The following NFILZ variants were observed in gnomAD, a reference collection of about 807,000 sequenced individuals.
NFILZ encodes the protein NFIL3 like protein.
rs35392454 is a variant in NFILZ, at chr19:8,670,992, CA to C, written c.-163-3540del. Among the ~76,000 whole-genome samples the C allele has an allele frequency of 4.2e-3, 498 of 117,618 alleles. 1 individual carries two copies. The highest frequency in any genetic ancestry group is 8.9e-3 in the Middle Eastern group (2 of 224). The allele number at this position is 117,618 out of a possible 152,430, so 77.2% of individuals were successfully genotyped here. On this transcript the variant is annotated intron_variant, in intron 3 of 5. Transcript: ENST00000691075. The stretch of plus-strand genomic sequence containing the variant: ...CCTGGGTGACAGAGTGAGACTGTCT[CA>C]AAAAAAAAAAAAAAAAAAGATTTCC...
At chr19:8,671,528 C>T (rs782531343) in intron 3 of NFILZ, among the ~76,000 whole-genome samples, 5 of 152,088 alleles carry the variant, frequency 3.3e-5, no homozygotes, top group African/African-American at 1.2e-4. Flanking sequence ...TCACTCTGGC[C>T]TGTCCTTTCT....
In NFILZ at chr19:8,672,272, C is replaced by CA. The variant is rs560522791; in HGVS notation, c.-163-2271dup. Among the ~76,000 whole-genome samples the CA allele has an allele frequency of 2.4e-3, 364 of 150,864 alleles. 3 individuals are homozygous for CA. The highest frequency in any genetic ancestry group is 8.1e-4 in the Non-Finnish European group (55 of 67,820). On this transcript the variant is annotated intron_variant, in intron 3 of 5. Coordinates refer to ENST00000691075, the MANE Select transcript of NFILZ (RefSeq NM_001378600.1). ...TAATCCAGGCATTTATTAGTTTATT[C>CA]AAAAAAAATCCATGCACTTATTAGT... is the stretch of plus-strand genomic sequence containing the variant.
At chr19:8,642,161 C>T (rs1468992444) in intron 3 of NFILZ, among the ~76,000 whole-genome samples, 4 of 149,382 alleles carry the variant, frequency 2.7e-5, no homozygotes, top group Non-Finnish European at 6.0e-5. Flanking sequence ...TAATTTTTAT[C>T]ACCGTTCTCT....
At chr19:8,658,362 G>T (rs1457102286) in intron 3 of NFILZ, among the ~76,000 whole-genome samples, 1 of 152,124 alleles carries the variant, frequency 6.6e-6, no homozygotes, top group Admixed American at 6.5e-5. Context: ...TTGGGGGGCT[G>T]CGTTGTGCAT....
At chr19:8,638,255 C>T (rs1346727170) in intron 3 of NFILZ, among the ~76,000 whole-genome samples, 2 of 152,162 alleles carry the variant, frequency 1.3e-5, no homozygotes, top group African/African-American at 2.4e-5. Context: ...GCTAGAAGTG[C>T]GCACACTTAT....
At chr19:8,656,377 AAGCCCACCTTCTCCCG>A (rs2042998280) in intron 3 of NFILZ, among the ~76,000 whole-genome samples, 9 of 87,080 alleles carry the variant, frequency 1.0e-4, no homozygotes, top group South Asian at 3.3e-4. Flanking sequence ...CTTCTCCCTG[AAGCCCACCTTCTCCCG>A]CAGCCCACCT....
intron 3 of NFILZ, among the ~76,000 whole-genome samples, chr19:8,642,260 G>A (rs1210835024): frequency 2.0e-5 from 3 of 151,954 alleles, no homozygotes; most frequent in African/African-American, 7.3e-5. Flanking sequence ...GCCACCTAGT[G>A]GTTCTGTGAT....
intron 1 of NFILZ, among the ~76,000 whole-genome samples, chr19:8,631,686 C>G (rs1010186401): frequency 2.6e-5 from 4 of 152,170 alleles, no homozygotes; most frequent in African/African-American, 9.7e-5. Context: ...GCCAGGCCTT[C>G]GTGTCCAGCC....
chr19:8,652,103 A>ATTTTTTTT (rs35038370), intron 3 of NFILZ, among the ~76,000 whole-genome samples: 1 of 141,798 alleles, frequency 7.1e-6, no homozygotes, highest in African/African-American at 2.6e-5. Flanking sequence ...CCACTGGGAG[A>ATTTTTTTT]TTTTTTTTTT....
At chr19:8,646,096 G>T (rs1202933022) in intron 3 of NFILZ, among the ~76,000 whole-genome samples, 1 of 151,994 alleles carries the variant, frequency 6.6e-6, no homozygotes, top group African/African-American at 2.4e-5. Flanking sequence ...GAGTCCAGTG[G>T]CGCGATCTCG....
rs573495454 is a variant in NFILZ at position 8,646,947 on chromosome 19, C to T, written c.-164+11201C>T. Among the ~76,000 whole-genome samples the T allele has an allele frequency of 3.3e-5, 5 of 152,226 alleles. No individual in the cohort carries two copies. The East Asian group carries it at 5.8e-4, about 18-fold the overall frequency. The stretch of plus-strand genomic sequence containing the variant: ...GAGGCAGCTGGCCCCAGTTCAAATC[C>T]GACTCCATGACTGCCTTGCTGTGTG... On this transcript the variant is annotated intron_variant, in intron 3 of 5. Coordinates refer to ENST00000691075, the MANE Select transcript of NFILZ (RefSeq NM_001378600.1).
chr19:8,654,016 G>C (rs1258283433), intron 3 of NFILZ, among the ~76,000 whole-genome samples: 1 of 151,996 alleles, frequency 6.6e-6, no homozygotes, highest in African/African-American at 2.4e-5. Context: ...ATCACCTGAG[G>C]TCAGGAGTTT....
intron 3 of NFILZ, among the ~76,000 whole-genome samples, chr19:8,661,223 T>C (rs972995507): frequency 6.7e-6 from 1 of 149,828 alleles, no homozygotes; most frequent in Admixed American, 6.7e-5. Context: ...AGTGCAGTGA[T>C]GCAATCATAG....
chr19:8,650,645 T>C, intron 3 of NFILZ, among the ~76,000 whole-genome samples: 1 of 137,876 alleles, frequency 7.3e-6, no homozygotes, highest in Admixed American at 7.7e-5. Context: ...TGGAGTGAGA[T>C]TCTGTCTCAA....
intron 1 of NFILZ, among the ~76,000 whole-genome samples, chr19:8,631,032 G>A (rs1303797313): frequency 1.3e-5 from 2 of 152,178 alleles, no homozygotes; most frequent in Non-Finnish European, 2.9e-5. Context: ...GATCTTTTCA[G>A]AGCCTTTAAT....
At chr19:8,654,033 C>T (rs1483026419) in intron 3 of NFILZ, among the ~76,000 whole-genome samples, 1 of 151,964 alleles carries the variant, frequency 6.6e-6, no homozygotes, top group Non-Finnish European at 1.5e-5. Flanking sequence ...GTTTGAGAAC[C>T]AGCCTGGCCA....
Position 8,671,200 on chromosome 19 carries a change from A to G in NFILZ, c.-163-3351A>G, listed in dbSNP as rs77753017. On this transcript the variant is annotated intron_variant, in intron 3 of 5. Coordinates refer to ENST00000691075, the MANE Select transcript of NFILZ (RefSeq NM_001378600.1). ...GGTGGGGCTGGCCTGCGATGGGGCC[A>G]TCTCTGAGAGAGACCCTTTTCCTGT... is the stretch of plus-strand genomic sequence containing the variant. 0.012 allele frequency among the ~76,000 whole-genome samples: 1,770 copies of G among 152,086 alleles called. 175 individuals are homozygous for G. The East Asian group carries it at 0.25, about 21-fold the overall frequency.
chr19:8,635,322 A>T (rs1260050281), intron 2 of NFILZ, among the ~76,000 whole-genome samples: 4 of 32,008 alleles, frequency 1.2e-4, no homozygotes, highest in African/African-American at 2.4e-4. Context: ...AAAAAAAAAA[A>T]TTAAAAAAAA....
chr19:8,660,871 C>T (rs1319110641), intron 3 of NFILZ, among the ~76,000 whole-genome samples: 1 of 151,128 alleles, frequency 6.6e-6, no homozygotes, highest in African/African-American at 2.4e-5. Flanking sequence ...AACTCCTGAC[C>T]TCAGGGTACC....
Sources: allele counts gnomAD v4.1 joint callset (sites outside exome capture counted in the v4.1 genomes callset), GRCh38; gene constraint gnomAD v4.1.1; transcripts MANE v1.5; gene names NCBI Gene and HGNC (gene_info 2026-07-23, HGNC 2026-07-21).